FRAS1: variants seen among roughly 807,000 people sequenced by gnomAD.
FRAS1 encodes the protein extracellular matrix organizing protein FRAS1.
Under a neutral mutation model 435.2 loss-of-function variants are expected in FRAS1, and 290 were observed. That is an observed-to-expected ratio of 0.67 (90% CI 0.61 to 0.73). FRAS1 has a LOEUF of 0.73. FRAS1 is among the 30% of genes least tolerant of loss of function. The pLI is 0.00. For synonymous variants in FRAS1, 1,800 were observed against 1,851.0 expected (o/e 0.97, Z 0.71); for missense variants, 4,860 against 5,001.5 (o/e 0.97, Z 0.85).
Position 78,098,276 on chromosome 4 carries a change from C to CTT in FRAS1, c.108+32275_108+32276dup, listed in dbSNP as rs5859606. 1.2e-3 allele frequency among the ~76,000 whole-genome samples: 153 copies of CTT among 132,746 alleles called. 1 individual carries two copies. The highest frequency in any genetic ancestry group is 1.7e-3 in the African/African-American group (60 of 35,582). 87.1% of individuals were successfully genotyped at this position (132,746 alleles called of 152,430 possible). ...ATGTGGGGGTTAGGATAGATCTTTT[C>CTT]TTTTTTTTTTTTTTTTGGACAGAGT... On this transcript the variant is annotated intron_variant, in intron 2 of 73. Coordinates refer to ENST00000512123, the MANE Select transcript of FRAS1 (RefSeq NM_025074.7).
At chr4:78,141,964 T>C (rs1578149810) in intron 2 of FRAS1, among the ~76,000 whole-genome samples, 1 of 151,954 alleles carries the variant, frequency 6.6e-6, no homozygotes, top group Non-Finnish European at 1.5e-5. Context: ...AATGATACAA[T>C]GGACTTTGGG....
At chr4:78,315,505 T>C (rs1578247558) in intron 15 of FRAS1, 89 bp from the exon 16 acceptor site, 1 of 1,302,276 alleles carries the variant, frequency 7.7e-7, no homozygotes, top group East Asian at 2.5e-5. Context: ...ATGATATTGA[T>C]ACCCATTGTG....
chr4:78,093,078 G>T (rs1741614561), intron 2 of FRAS1, among the ~76,000 whole-genome samples: 1 of 152,214 alleles, frequency 6.6e-6, no homozygotes, highest in Non-Finnish European at 1.5e-5. Context: ...GTTACCTTTT[G>T]TTTGGCAAAA....
chr4:78,298,054 T>A (rs888580773), intron 14 of FRAS1, among the ~76,000 whole-genome samples: 14 of 127,698 alleles, frequency 1.1e-4, no homozygotes, highest in Admixed American at 3.3e-4. Flanking sequence ...ATATATATAT[T>A]ACTAATCCTC....
intron 47 of FRAS1, 51 bp from the exon 48 acceptor site, chr4:78,463,970 T>C: frequency 1.3e-6 from 2 of 1,592,928 alleles, no homozygotes; most frequent in East Asian, 2.2e-5. Flanking sequence ...CTTAGATATA[T>C]GGCTAGCATT....
chr4:78,289,392 C>T (rs17456396), intron 14 of FRAS1, among the ~76,000 whole-genome samples: 35,193 of 152,128 alleles, frequency 0.23, 5,148 homozygotes, highest in Non-Finnish European at 0.33. Context: ...CACTCCATAC[C>T]AGTCCCTGCT....
At chr4:78,525,898 C>T (rs1578374239) in intron 69 of FRAS1, among the ~76,000 whole-genome samples, 1 of 152,194 alleles carries the variant, frequency 6.6e-6, no homozygotes, top group African/African-American at 2.4e-5. Context: ...CCCAAGTCCC[C>T]GTGAGTGGTC....
At chr4:78,159,604 A>G (rs1351583695) in intron 2 of FRAS1, among the ~76,000 whole-genome samples, 2 of 152,176 alleles carry the variant, frequency 1.3e-5, no homozygotes, top group East Asian at 1.9e-4. Context: ...GAACTGGCCA[A>G]GCATGGTGGC....
At chr4:78,378,718 G>A (rs537712234) in intron 26 of FRAS1, among the ~76,000 whole-genome samples, 1 of 137,662 alleles carries the variant, frequency 7.3e-6, no homozygotes, top group South Asian at 2.2e-4. Context: ...TAAAAATTGG[G>A]TTTTTCATTT....
intron 6 of FRAS1, among the ~76,000 whole-genome samples, chr4:78,258,828 G>C (rs1177070394): frequency 7.5e-6 from 1 of 133,752 alleles, no homozygotes; most frequent in Admixed American, 7.4e-5. Context: ...CTAGCATTAG[G>C]TATATCTCCC....
chr4:78,310,144 C>G (rs1728958792), intron 15 of FRAS1, among the ~76,000 whole-genome samples: 1 of 152,170 alleles, frequency 6.6e-6, no homozygotes, highest in Non-Finnish European at 1.5e-5. Flanking sequence ...GAAAGAAAGG[C>G]CAGGCTGCCA....
chr4:78,363,886 T>C (rs1198766026), intron 21 of FRAS1, 22 bp from the exon 22 acceptor site: 2 of 1,596,736 alleles, frequency 1.3e-6, no homozygotes, highest in African/African-American at 1.3e-5. Context: ...TGGTTTCTGT[T>C]GTGTCTCTTT....
chr4:78,211,603 C>A (rs1397338341), intron 2 of FRAS1, among the ~76,000 whole-genome samples: 1 of 152,192 alleles, frequency 6.6e-6, no homozygotes, highest in Non-Finnish European at 1.5e-5. Flanking sequence ...GGCCCAGGGG[C>A]TTGGGAAATT....
Position 78,243,660 on chromosome 4 carries a change from A to G in FRAS1, c.217-1573A>G, listed in dbSNP as rs1241421777. On this transcript the variant is annotated intron_variant, in intron 3 of 73. Coordinates refer to ENST00000512123, the MANE Select transcript of FRAS1 (RefSeq NM_025074.7). Reference sequence around the variant, plus strand: ...TCCCGCTACTGCCACTAGCAAATATATATATATATATATACACACAAACAC... The same window carrying G: ...TCCCGCTACTGCCACTAGCAAATATGTATATATATATATACACACAAACAC... Among the ~76,000 whole-genome samples the G allele has an allele frequency of 2.9e-4, 5 of 17,128 alleles. No individual in the cohort carries two copies. The East Asian group carries it at 0.4, about 1,370-fold the overall frequency. The allele number at this position is 17,128 out of a possible 152,430, so 11.2% of individuals were successfully genotyped here.
At chr4:78,332,169 G>A (rs1409697424) in intron 18 of FRAS1, among the ~76,000 whole-genome samples, 11 of 152,156 alleles carry the variant, frequency 7.2e-5, no homozygotes. Context: ...AGCCTGGAGT[G>A]TAAGCGTATG....
intron 51 of FRAS1, 105 bp downstream of exon 51, chr4:78,470,196 C>A (rs1211878838): frequency 1.4e-6 from 1 of 701,702 alleles, no homozygotes; most frequent in Non-Finnish European, 2.5e-6. Flanking sequence ...ACCTGTTTAT[C>A]CCTCCCTAAA....
At chr4:78,365,752 A>C (rs56328046) in intron 22 of FRAS1, among the ~76,000 whole-genome samples, 49,680 of 98,524 alleles carry the variant, frequency 0.5, 10,230 homozygotes, top group Non-Finnish European at 0.56. Context: ...AAAAAAAAAC[A>C]AAAAAAAAAA....
Position 78,534,398 on chromosome 4 carries a change from T to A in FRAS1, c.10926-51T>A. On this transcript the variant is annotated intron_variant, in intron 70 of 73. Transcript: ENST00000512123. ...AAGGGAGGGTGACTCAAATGACATATGCAAAGCTGACCCTGCTCTCAAAGA... is the reference window on the plus strand; with the variant it reads ...AAGGGAGGGTGACTCAAATGACATAAGCAAAGCTGACCCTGCTCTCAAAGA... The A allele has an allele frequency of 2.0e-6, 3 of 1,535,866 alleles. No individual in the cohort carries two copies. The South Asian group carries it at 3.5e-5, about 18-fold the overall frequency.
intron 2 of FRAS1, among the ~76,000 whole-genome samples, chr4:78,118,135 C>T (rs57747683): frequency 0.023 from 3,558 of 152,296 alleles, 96 homozygotes; most frequent in South Asian, 0.091. Flanking sequence ...GCGGAGCCTG[C>T]AGAACAGCAG....
Sources: gnomAD v4.1 joint callset for allele counts (sites outside exome capture counted in the v4.1 genomes callset) on GRCh38, gnomAD v4.1.1 for gene constraint, MANE v1.5 for transcripts, NCBI Gene and HGNC (gene_info 2026-07-23, HGNC 2026-07-21) for gene names.